OPCML: variants seen among roughly 807,000 people sequenced by gnomAD.
OPCML encodes opioid-binding protein/cell adhesion molecule.
A neutral mutation model predicts 37.8 loss-of-function variants in OPCML; 13 were observed. The observed-to-expected ratio is 0.34, with a 90% CI of 0.22 to 0.55. The LOEUF is 0.55. Ranked by LOEUF, OPCML falls within the 20% of genes least tolerant of loss-of-function variation. The pLI, the probability that OPCML is intolerant of heterozygous loss-of-function variation, is 0.91. For missense variants in OPCML, 341 were observed against 435.6 expected, an observed-to-expected ratio of 0.78 and a Z score of 1.93; for synonymous variants, 176 against 168.8, an observed-to-expected ratio of 1.04 and a Z score of -0.33.
rs1427268933 is a variant in OPCML, at chr11:133,174,749, T to C, written c.62-231739A>G. 1.4e-5 allele frequency among the ~76,000 whole-genome samples: 2 copies of C among 147,092 alleles called. No homozygotes were observed. The highest frequency in any genetic ancestry group is 6.6e-5 in the Admixed American group (1 of 15,078). On this transcript the variant is annotated intron_variant, in intron 1 of 7. Transcript: ENST00000524381. The surrounding 1 kb of genome is among the most constrained non-coding windows in gnomAD (Gnocchi z 4.6). The stretch of plus-strand genomic sequence containing the variant: ...GTTTGCCTATCTATATTTTCATCTC[T>C]CTGACTGTTTTAGTCATTCAACTCT...
intron 2 of OPCML, among the ~76,000 whole-genome samples, chr11:132,722,256 A>ATT (rs34373769): frequency 0.031 from 4,540 of 147,546 alleles, 151 homozygotes; most frequent in African/African-American, 0.083. Context: ...CGTCCGGCCT[A>ATT]TTTTTTTTTT....
chr11:132,938,793 C>T (rs535221115), intron 2 of OPCML, among the ~76,000 whole-genome samples: 7 of 152,246 alleles, frequency 4.6e-5, no homozygotes, highest in South Asian at 2.1e-4. Context: ...AAAGCAGGGA[C>T]GCTGGATAAG....
At chr11:133,350,151 C>T (rs1447803001) in intron 1 of OPCML, among the ~76,000 whole-genome samples, 2 of 152,232 alleles carry the variant, frequency 1.3e-5, no homozygotes, top group East Asian at 3.9e-4. Flanking sequence ...AGGGACAGCC[C>T]CCTTTTCTGT....
intron 1 of OPCML, chr11:133,006,236 G>A (rs1054452664): frequency 2.4e-5 from 15 of 615,160 alleles, no homozygotes; most frequent in Non-Finnish European, 2.8e-5. Context: ...CGTGGAACCT[G>A]GGATTCAAGC....
intron 1 of OPCML, among the ~76,000 whole-genome samples, chr11:133,525,829 C>T (rs1948479161): frequency 6.6e-6 from 1 of 152,144 alleles, no homozygotes. Context: ...TTATCGTTTC[C>T]CATGCTAAGT....
At position 132,420,018 on chromosome 11, in the gene OPCML, CTCATTCAAGCTGGA is replaced by C; in HGVS notation, c.*161_*174del. 2.3e-6 allele frequency: 1 copy of C among 425,962 alleles called. No homozygotes were observed. Among genetic ancestry groups the C allele is most frequent in the African/African-American group, 2.1e-5 (1 of 48,454 alleles). The allele number at this position is 425,962 out of a possible 1,614,324, so 26.4% of individuals were successfully genotyped here. On this transcript the variant is annotated 3_prime_UTR_variant, in exon 8 of 8. Coordinates refer to ENST00000524381, the MANE Select transcript of OPCML (RefSeq NM_001012393.5). ...CCTGCCCACCCCGCCCCCAACCCCA[CTCATTCAAGCTGGA>C]AATAAAAGCAAACAAACAAATAAAC...
At position 132,805,102 on chromosome 11, in the gene OPCML, C is replaced by A. The variant is rs191666432; in HGVS notation, c.146+137824G>T. 2.7e-3 allele frequency among the ~76,000 whole-genome samples: 407 copies of A among 152,004 alleles called. 6 individuals are homozygous for A. The highest frequency in any genetic ancestry group is 3.2e-3 in the Non-Finnish European group (216 of 67,950). ...GAAATTGAAACGATAGAAACAGAAC[C>A]AAATGAAATTCTAGAACTGGGAAGT... On this transcript the variant is annotated intron_variant, in intron 2 of 7. Coordinates refer to ENST00000524381, the MANE Select transcript of OPCML (RefSeq NM_001012393.5).
At position 132,415,138 on chromosome 11, in the gene OPCML, G is replaced by A. The variant is rs1205477212; in HGVS notation, c.*5055C>T. 2.6e-5 allele frequency: 4 copies of A among 152,268 alleles called. No homozygotes were observed. The highest frequency in any genetic ancestry group is 5.9e-5 in the Non-Finnish European group (4 of 67,976). The allele number at this position is 152,268 out of a possible 1,614,324, so 9.4% of individuals were successfully genotyped here. On this transcript the variant is annotated 3_prime_UTR_variant, in exon 8 of 8. Coordinates refer to ENST00000524381, the MANE Select transcript of OPCML (RefSeq NM_001012393.5). ...TATTGACAGAAATCAAGTCTTCATT[G>A]ATTTTTTGAAGGAAAAAATACGAAA...
intron 2 of OPCML, among the ~76,000 whole-genome samples, chr11:132,781,455 G>A (rs1459791911): frequency 6.6e-6 from 1 of 151,996 alleles, no homozygotes; most frequent in Non-Finnish European, 1.5e-5. Flanking sequence ...CTTCAGACTG[G>A]AATCTAAACC....
rs138228328 is a variant in OPCML at position 132,789,480 on chromosome 11, C to T, written c.147-132161G>A. 2.8e-3 allele frequency among the ~76,000 whole-genome samples: 431 copies of T among 152,180 alleles called. 5 individuals carry two copies. The highest frequency in any genetic ancestry group is 8.9e-3 in the African/African-American group (368 of 41,520). ...AGGCTGAATTTACAAGAGAATCAGT[C>T]GAGTTCATTTAGACAAAAGATGAAA... On this transcript the variant is annotated intron_variant, in intron 2 of 7. Transcript: ENST00000524381.
chr11:133,524,692 G>A (rs559864469), intron 1 of OPCML, among the ~76,000 whole-genome samples: 2 of 152,358 alleles, frequency 1.3e-5, no homozygotes, highest in East Asian at 3.9e-4. Context: ...CTGTGCTGCT[G>A]CATGTGTGTT....
chr11:133,047,524 C>G (rs1261315597), intron 1 of OPCML, among the ~76,000 whole-genome samples: 4 of 152,116 alleles, frequency 2.6e-5, no homozygotes, highest in Non-Finnish European at 5.9e-5. Flanking sequence ...GGAATTCTGC[C>G]GGCTCTTTAA....
At chr11:133,440,411 A>AAAG (rs1555159340) in intron 1 of OPCML, among the ~76,000 whole-genome samples, 4 of 149,312 alleles carry the variant, frequency 2.7e-5, no homozygotes, top group African/African-American at 1.0e-4. Flanking sequence ...AAAAAAAAAA[A>AAAG]AAAGAAAGAA....
At chr11:132,514,102 T>C (rs1436644050) in intron 4 of OPCML, among the ~76,000 whole-genome samples, 4 of 152,214 alleles carry the variant, frequency 2.6e-5, no homozygotes, top group Non-Finnish European at 5.9e-5. Flanking sequence ...ATGCTATTTT[T>C]AAGTACTTGC....
At chr11:132,459,741 T>TA (rs34228447) in intron 4 of OPCML, among the ~76,000 whole-genome samples, 138 of 151,082 alleles carry the variant, frequency 9.1e-4, no homozygotes, top group African/African-American at 2.6e-3. Context: ...ATACGAAAGT[T>TA]AAAAAAAAAA....
chr11:133,007,375 G>GT, intron 1 of OPCML: 2 of 985,478 alleles, frequency 2.0e-6, no homozygotes, highest in Non-Finnish European at 2.4e-6. Flanking sequence ...CTCAGCCACA[G>GT]AGCAGATACT....
At chr11:132,864,895 A>G (rs1357989487) in intron 2 of OPCML, among the ~76,000 whole-genome samples, 1 of 152,244 alleles carries the variant, frequency 6.6e-6, no homozygotes, top group Non-Finnish European at 1.5e-5. Context: ...TGGGCCAGGC[A>G]CTATGCTGAG....
At chr11:132,533,937 G>A (rs1057350182) in intron 3 of OPCML, among the ~76,000 whole-genome samples, 2 of 152,114 alleles carry the variant, frequency 1.3e-5, no homozygotes, top group Non-Finnish European at 2.9e-5. Flanking sequence ...GACAAGATCT[G>A]TGATAGGTAT....
At chr11:133,202,947 T>C (rs573989667) in intron 1 of OPCML, among the ~76,000 whole-genome samples, 3 of 152,334 alleles carry the variant, frequency 2.0e-5, no homozygotes, top group African/African-American at 7.2e-5. Flanking sequence ...GTAGCTGCAC[T>C]TGTTTAGTAT....
Sources: gnomAD v4.1 joint callset for allele counts (sites outside exome capture counted in the v4.1 genomes callset) on GRCh38, gnomAD v4.1.1 for gene constraint, Gnocchi (gnomAD v3.1) non-coding constraint, MANE v1.5 for transcripts, NCBI Gene and HGNC (gene_info 2026-07-23, HGNC 2026-07-21) for gene names.